RC3H1: variants seen among roughly 807,000 people sequenced by gnomAD.
The protein encoded by RC3H1 is ring finger and CCCH-type domains 1.
A neutral mutation model predicts 138.2 loss-of-function variants in RC3H1; 50 were observed. That is an observed-to-expected ratio of 0.36 (90% CI 0.29 to 0.46). The LOEUF (loss-of-function observed/expected upper bound fraction) is 0.46. RC3H1 is among the 20% of genes least tolerant of loss of function. The pLI, the probability that RC3H1 is intolerant of heterozygous loss-of-function variation, is 1.00. For synonymous variants in RC3H1, 462 were observed against 489.1 expected, an observed-to-expected ratio of 0.94 and a Z score of 0.73; for missense variants, 1,031 against 1,388.1, an observed-to-expected ratio of 0.74 and a Z score of 4.09.
At chr1:173,959,752 A>T (rs980874691) in intron 13 of RC3H1, among the ~76,000 whole-genome samples, 1 of 149,292 alleles carries the variant, frequency 6.7e-6, no homozygotes, top group African/African-American at 2.5e-5. Context: ...GCCTGGCGAA[A>T]GAGCAACACT....
rs141805782 is a variant in RC3H1 at position 174,022,303 on chromosome 1, T to C, written c.-358A>G. ...TGCTCCTGCAGCAGGGGCCATCTTG[T>C]TGCTCGGCCTCCTCTTCCTCCTCCT... is the stretch of plus-strand genomic sequence containing the variant. On this transcript the variant is annotated 5_prime_UTR_variant, in exon 1 of 20. Transcript: ENST00000367696. The surrounding 1 kb of genome is among the most constrained non-coding windows in gnomAD (Gnocchi z 4.2). 297 of 380,374 alleles carry C rather than the reference T, an allele frequency of 7.8e-4. No homozygotes were observed. The highest frequency in any genetic ancestry group is 5.6e-3 in the African/African-American group (268 of 47,874). 23.6% of individuals were successfully genotyped at this position (380,374 alleles called of 1,614,324 possible).
chr1:173,960,249 C>A (rs1218108668), intron 13 of RC3H1, among the ~76,000 whole-genome samples: 1 of 151,724 alleles, frequency 6.6e-6, no homozygotes, highest in South Asian at 2.1e-4. Context: ...AAAAATGCGC[C>A]ATTGCACTCC....
Position 173,961,163 on chromosome 1 carries a change from T to C in RC3H1, c.2284A>G (p.Met762Val). ...DELHRRRKEI[M>V]AQLEERKVIS... ...ACCTTTCTTTCCTCTAGCTGGGCCA[T>C]TATTTCCTTTCGTCGGCGATGTAGT... Residue 762 changes from methionine to valine, a missense_variant, in exon 13 of 20, where the codon ATG (methionine) becomes GTG (valine). By Grantham distance (21) the Met-to-Val change is conservative. Coordinates refer to ENST00000367696, the MANE Select transcript of RC3H1 (RefSeq NM_172071.4). The C allele has an allele frequency of 1.9e-6, 3 of 1,614,016 alleles. No homozygotes were observed. The highest frequency in any genetic ancestry group is 2.5e-6 in the Non-Finnish European group (3 of 1,179,978).
intron 17 of RC3H1, among the ~76,000 whole-genome samples, 176 bp downstream of exon 17, chr1:173,946,300 G>A (rs948954323): frequency 1.3e-5 from 2 of 152,112 alleles, no homozygotes; most frequent in East Asian, 1.9e-4. Context: ...GAAATTTTAC[G>A]TTTTCTGTTG....
At chr1:173,996,612 T>C (rs569624603) in intron 1 of RC3H1, among the ~76,000 whole-genome samples, 14 of 152,186 alleles carry the variant, frequency 9.2e-5, no homozygotes, top group Non-Finnish European at 1.9e-4. Context: ...CTTTCCTCGT[T>C]ACCATGCTAA....
At chr1:174,005,905 C>T (rs1438599317) in intron 1 of RC3H1, among the ~76,000 whole-genome samples, 3 of 152,080 alleles carry the variant, frequency 2.0e-5, no homozygotes, top group Admixed American at 6.6e-5. Context: ...TTACTGGTGA[C>T]AATCTGAAGA....
intron 1 of RC3H1, among the ~76,000 whole-genome samples, chr1:174,012,856 G>T (rs1661793981): frequency 6.6e-6 from 1 of 150,432 alleles, no homozygotes; most frequent in Non-Finnish European, 1.5e-5. Context: ...TACCAACTCT[G>T]CCATTTATTA....
In RC3H1 at chr1:173,946,345, G is replaced by A. The variant is rs1209781203; in HGVS notation, c.2961+131C>T. 19 of 676,222 alleles carry A rather than the reference G, an allele frequency of 2.8e-5. 1 individual carries two copies. The highest frequency in any genetic ancestry group is 1.0e-4 in the Admixed American group (3 of 29,982). 41.9% of individuals were successfully genotyped at this position (676,222 alleles called of 1,614,324 possible). On this transcript the variant is annotated intron_variant, in intron 17 of 19. Transcript: ENST00000367696. ...TAAATCCAGTATTGAATTCTTTGAA[G>A]AATAGAAACCTATACTAACTCCTAA...
At position 173,937,670 on chromosome 1, in the gene RC3H1, C is replaced by T. The variant is rs896117699; in HGVS notation, c.*1051G>A. The stretch of plus-strand genomic sequence containing the variant: ...ACAAGTGATCAATTCATAAACTATC[C>T]TTAAGACTCAATCAGTTCACAAGTA... On this transcript the variant is annotated 3_prime_UTR_variant, in exon 20 of 20. Transcript: ENST00000367696. The T allele has an allele frequency of 6.6e-6, 1 of 152,130 alleles. No homozygotes were observed. The highest frequency in any genetic ancestry group is 1.5e-5 in the Non-Finnish European group (1 of 68,024). The allele number at this position is 152,130 out of a possible 1,614,324, so 9.4% of individuals were successfully genotyped here.
chr1:173,993,126 G>C lies in RC3H1; in HGVS notation c.-141C>G, dbSNP rs1661365512. 1.6e-6 allele frequency: 1 copy of C among 616,298 alleles called. No homozygotes were observed. Among genetic ancestry groups the C allele is most frequent in the Non-Finnish European group, 2.8e-6 (1 of 353,034 alleles). The allele number at this position is 616,298 out of a possible 1,614,324, so 38.2% of individuals were successfully genotyped here. A position where few individuals can be genotyped will look rare whatever the true frequency, so the allele number is the denominator to read the frequency against. ...TGTAGATACAGTCAGCACATAGTGT[G>C]AAATATAACCTGAAAATAAAGAAAA... On this transcript the variant is annotated 5_prime_UTR_variant, in exon 2 of 20. Coordinates refer to ENST00000367696, the MANE Select transcript of RC3H1 (RefSeq NM_172071.4).
chr1:173,989,432 A>C (rs1661168942), intron 2 of RC3H1, among the ~76,000 whole-genome samples: 1 of 152,190 alleles, frequency 6.6e-6, no homozygotes, highest in Non-Finnish European at 1.5e-5. Context: ...CAAATGATCC[A>C]TCCATCTTGG....
At chr1:173,976,212 G>A (rs982276967) in intron 7 of RC3H1, among the ~76,000 whole-genome samples, 2 of 151,970 alleles carry the variant, frequency 1.3e-5, no homozygotes, top group Non-Finnish European at 2.9e-5. Context: ...TGAGGCAGGC[G>A]GGTCACCTGA....
At chr1:173,977,154 G>A (rs1394053844) in intron 7 of RC3H1, among the ~76,000 whole-genome samples, 1 of 152,054 alleles carries the variant, frequency 6.6e-6, no homozygotes, top group Non-Finnish European at 1.5e-5. Context: ...TCGATCTCCT[G>A]ACCTCGTGAT....
chr1:173,953,899 C>T (rs181389902), intron 13 of RC3H1, among the ~76,000 whole-genome samples: 36 of 151,988 alleles, frequency 2.4e-4, no homozygotes, highest in Admixed American at 1.4e-3. Context: ...ATTAGCTGGG[C>T]GTGTTGGTGC....
At chr1:173,993,275 C>A in intron 1 of RC3H1, 140 bp from the exon 2 acceptor site, 1 of 368,156 alleles carries the variant, frequency 2.7e-6, no homozygotes, top group Non-Finnish European at 5.0e-6. Context: ...TACACTTTTA[C>A]AGAATTAGAG....
intron 5 of RC3H1, among the ~76,000 whole-genome samples, chr1:173,981,966 G>A (rs1660839063): frequency 6.6e-6 from 1 of 152,078 alleles, no homozygotes; most frequent in Non-Finnish European, 1.5e-5. Flanking sequence ...AGCAATGTTT[G>A]AGGCGGTGCT....
In RC3H1 at chr1:173,936,586, AT is replaced by A. The variant is rs1198088962; in HGVS notation, c.*2134del. 6.7e-6 allele frequency: 1 copy of A among 149,470 alleles called. No individual in the cohort carries two copies. Among genetic ancestry groups the A allele is most frequent in the East Asian group, 1.9e-4 (1 of 5,166 alleles). The allele number at this position is 149,470 out of a possible 1,614,324, so 9.3% of individuals were successfully genotyped here. ...TTGCCTTTTACTGTTATGCAGAGAA[AT>A]GAAAAATCTTGGGACTCTGTCAGAC... On this transcript the variant is annotated 3_prime_UTR_variant, in exon 20 of 20. Transcript: ENST00000367696.
At chr1:173,968,324 C>T (rs935821481) in intron 9 of RC3H1, among the ~76,000 whole-genome samples, 6 of 152,042 alleles carry the variant, frequency 3.9e-5, no homozygotes, top group African/African-American at 7.2e-5. Context: ...GATTTAAATT[C>T]GGATTTCTTG....
chr1:173,976,288 A>C (rs1222123016), intron 7 of RC3H1, among the ~76,000 whole-genome samples: 5 of 151,932 alleles, frequency 3.3e-5, no homozygotes, highest in African/African-American at 1.2e-4. Context: ...GATACTAAAA[A>C]TAAATAATAA....
Sources: allele counts gnomAD v4.1 joint callset (sites outside exome capture counted in the v4.1 genomes callset), GRCh38; gene constraint gnomAD v4.1.1; non-coding constraint Gnocchi (gnomAD v3.1); transcripts MANE v1.5; gene names NCBI Gene and HGNC (gene_info 2026-07-23, HGNC 2026-07-21).